PCDH15: variants seen among roughly 807,000 people sequenced by gnomAD.
PCDH15 encodes protocadherin related 15.
Under a neutral mutation model 178.5 loss-of-function variants are expected in PCDH15, and 129 were observed. That is an observed-to-expected ratio of 0.72 (90% CI 0.63 to 0.84). The LOEUF (loss-of-function observed/expected upper bound fraction) is 0.84, where lower values mean the gene tolerates loss of function less well. PCDH15 is among the 40% of genes least tolerant of loss of function. The pLI, the probability that PCDH15 is intolerant of heterozygous loss-of-function variation, is 0.00. For synonymous variants in PCDH15, 800 were observed against 732.0 expected, an observed-to-expected ratio of 1.09 and a Z score of -1.50; for missense variants, 2,230 against 2,099.9, an observed-to-expected ratio of 1.06 and a Z score of -1.21.
chr10:54,770,884 C>T lies in PCDH15; in HGVS notation c.-29+30041G>A, dbSNP rs553922950. Among the ~76,000 whole-genome samples the T allele has an allele frequency of 9.2e-5, 14 of 152,080 alleles. No homozygotes were observed. The South Asian group carries it at 2.9e-3, about 32-fold the overall frequency. ...TTTTGATTGTTCAAAATTTACTTTG[C>T]ATATGTGTCCTCCTGCAAGATTTTA... On this transcript the variant is annotated intron_variant, in intron 1 of 37. Transcript: ENST00000644397.
chr10:55,508,840 T>C (rs1226978496), intron 2 of PCDH15, among the ~76,000 whole-genome samples: 1 of 151,660 alleles, frequency 6.6e-6, no homozygotes, highest in Non-Finnish European at 1.5e-5. Context: ...TGTATTGTAT[T>C]ATGTGATCAG....
chr10:55,444,984 G>A (rs1027044029), intron 2 of PCDH15, among the ~76,000 whole-genome samples: 2 of 152,014 alleles, frequency 1.3e-5, no homozygotes, highest in Non-Finnish European at 2.9e-5. Flanking sequence ...TGATTCTATA[G>A]ATTCAAATGC....
intron 13 of PCDH15, among the ~76,000 whole-genome samples, chr10:54,182,586 A>C (rs2048092683): frequency 6.6e-6 from 1 of 152,082 alleles, no homozygotes; most frequent in African/African-American, 2.4e-5. Context: ...TGGTAAAAAT[A>C]AGATAAATCA....
At chr10:53,851,856 C>T (rs1160166985) in intron 28 of PCDH15, among the ~76,000 whole-genome samples, 1 of 151,212 alleles carries the variant, frequency 6.6e-6, no homozygotes, top group Non-Finnish European at 1.5e-5. Flanking sequence ...TTACACAGCA[C>T]ATTTCAGGTG....
At chr10:54,872,138 T>TA (rs1223684205) in intron 3 of PCDH15, among the ~76,000 whole-genome samples, 1 of 152,038 alleles carries the variant, frequency 6.6e-6, no homozygotes, top group African/African-American at 2.4e-5. Context: ...CACATAACTT[T>TA]ACTCTTCACC....
intron 2 of PCDH15, among the ~76,000 whole-genome samples, chr10:55,460,595 G>A (rs907449384): frequency 3.3e-5 from 5 of 151,910 alleles, no homozygotes; most frequent in African/African-American, 1.2e-4. Context: ...TTGTGCCTCT[G>A]CTTAACACTT....
rs186301081 is a variant in PCDH15, at chr10:54,323,787, G to A, written c.705+5809C>T. Among the ~76,000 whole-genome samples, 253 of 143,646 alleles carry A rather than the reference G, an allele frequency of 1.8e-3. 1 individual carries two copies. Among genetic ancestry groups the A allele is most frequent in the African/African-American group, 6.7e-3 (246 of 36,928 alleles). The allele number at this position is 143,646 out of a possible 152,430, so 94.2% of individuals were successfully genotyped here. On this transcript the variant is annotated intron_variant, in intron 7 of 37. Transcript: ENST00000644397. Reference sequence around the variant, plus strand: ...GACCACCTGAGTGCAATACACCCATGCAACAAACCTACATATGTACTCCCT... The same window carrying A: ...GACCACCTGAGTGCAATACACCCATACAACAAACCTACATATGTACTCCCT...
intron 8 of PCDH15, among the ~76,000 whole-genome samples, chr10:54,259,689 T>C (rs866406342): frequency 2.6e-5 from 4 of 152,172 alleles, no homozygotes; most frequent in Admixed American, 1.3e-4. Flanking sequence ...GGATTAGTTC[T>C]CTGTGTGTTT....
intron 5 of PCDH15, among the ~76,000 whole-genome samples, chr10:54,347,214 C>T (rs1245712654): frequency 6.6e-6 from 1 of 152,006 alleles, no homozygotes; most frequent in African/African-American, 2.4e-5. Flanking sequence ...GCAATGTGCT[C>T]TTATAACCAG....
At chr10:55,040,537 G>T (rs1840841984) in intron 2 of PCDH15, among the ~76,000 whole-genome samples, 5 of 149,058 alleles carry the variant, frequency 3.4e-5, no homozygotes. Flanking sequence ...AACACAGGAG[G>T]CAAGAAAGAA....
chr10:55,262,651 C>T lies in PCDH15; in HGVS notation c.-156+56948G>A, dbSNP rs559639158. 2.0e-5 allele frequency among the ~76,000 whole-genome samples: 3 copies of T among 152,236 alleles called. No individual in the cohort carries two copies. In the South Asian group the frequency reaches 6.2e-4, roughly 32 times the overall value. ...AGCCCGGCCACTGAGCAGCCCGACT[C>T]CAGGGAAAAACCACCTTCCCACTGC... On this transcript the variant is annotated intron_variant, in intron 1 of 5. Transcript: ENST00000458638.
intron 14 of PCDH15, among the ~76,000 whole-genome samples, chr10:54,144,381 T>C (rs1189080803): frequency 6.6e-6 from 1 of 152,168 alleles, no homozygotes; most frequent in Non-Finnish European, 1.5e-5. Flanking sequence ...CTGTTTTATG[T>C]GAGTTCCTTC....
At chr10:55,546,873 A>G (rs1479528841) in intron 2 of PCDH15, among the ~76,000 whole-genome samples, 11 of 152,134 alleles carry the variant, frequency 7.2e-5, no homozygotes, top group Non-Finnish European at 2.9e-5. Flanking sequence ...AACAACAGGG[A>G]AAGATGAAGG....
At chr10:55,339,631 A>G (rs906476278) in intron 2 of PCDH15, among the ~76,000 whole-genome samples, 1 of 152,144 alleles carries the variant, frequency 6.6e-6, no homozygotes, top group Non-Finnish European at 1.5e-5. Flanking sequence ...AGAAATTAGA[A>G]CACACCCAGG....
At chr10:53,817,084 C>T (rs2076084926) in intron 34 of PCDH15, among the ~76,000 whole-genome samples, 1 of 152,174 alleles carries the variant, frequency 6.6e-6, no homozygotes, top group African/African-American at 2.4e-5. Flanking sequence ...GTAATTCCAT[C>T]ATTGAACCCA....
chr10:55,557,145 T>C (rs1280170418), intron 2 of PCDH15, among the ~76,000 whole-genome samples: 1 of 152,168 alleles, frequency 6.6e-6, no homozygotes, highest in Non-Finnish European at 1.5e-5. Flanking sequence ...CTGCTTTTAA[T>C]CTGCAATATT....
Position 55,077,460 on chromosome 10 carries a change from C to T in PCDH15, c.-80+89116G>A, listed in dbSNP as rs959083164. On this transcript the variant is annotated intron_variant, in intron 2 of 5. Transcript: ENST00000458638. ...CTTTCTTCCTTCCTTCCCTTCCTTCCTTCCTTTCCTTCCTTCTTTCCTTTC... is the reference window on the plus strand; with the variant it reads ...CTTTCTTCCTTCCTTCCCTTCCTTCTTTCCTTTCCTTCCTTCTTTCCTTTC... Among the ~76,000 whole-genome samples, 12 of 141,626 alleles carry T rather than the reference C, an allele frequency of 8.5e-5. No individual in the cohort carries two copies. In the East Asian group the frequency reaches 1.0e-3, roughly 12 times the overall value. The allele number at this position is 141,626 out of a possible 152,430, so 92.9% of individuals were successfully genotyped here.
At chr10:53,966,156 A>C (rs1467120046) in intron 21 of PCDH15, among the ~76,000 whole-genome samples, 1 of 152,142 alleles carries the variant, frequency 6.6e-6, no homozygotes, top group Non-Finnish European at 1.5e-5. Flanking sequence ...TACATCAATA[A>C]ACTTTTTATT....
At chr10:54,059,128 C>T (rs1320304142) in intron 18 of PCDH15, among the ~76,000 whole-genome samples, 1 of 152,182 alleles carries the variant, frequency 6.6e-6, no homozygotes, top group Non-Finnish European at 1.5e-5. Context: ...TTTTCAGCTC[C>T]AGCCTATGAG....
Sources: gnomAD v4.1 joint callset for allele counts (sites outside exome capture counted in the v4.1 genomes callset) on GRCh38, gnomAD v4.1.1 for gene constraint, MANE v1.5 for transcripts, NCBI Gene and HGNC (gene_info 2026-07-23, HGNC 2026-07-21) for gene names.